FMN1: variants seen among roughly 807,000 people sequenced by gnomAD.
FMN1 encodes the protein formin-1.
A neutral mutation model predicts 132.4 loss-of-function variants in FMN1; 110 were observed. The observed-to-expected ratio is 0.83, with a 90% CI of 0.71 to 0.97. The LOEUF (loss-of-function observed/expected upper bound fraction) is 0.97. Among genes scored for constraint, FMN1 ranks in the 50% least tolerant of loss-of-function variants. FMN1 has a pLI of 0.00. For synonymous variants in FMN1, 722 were observed against 651.7 expected, an observed-to-expected ratio of 1.11 and a Z score of -1.64; for missense variants, 1,792 against 1,705.3, an observed-to-expected ratio of 1.05 and a Z score of -0.90.
Position 32,848,999 on chromosome 15 carries a change from T to TC in FMN1, c.3928+8015dup, listed in dbSNP as rs1555472129. 9.4e-3 allele frequency among the ~76,000 whole-genome samples: 1,361 copies of TC among 145,002 alleles called. 21 individuals carry two copies. The highest frequency in any genetic ancestry group is 0.034 in the African/African-American group (1,297 of 37,832). ...TTTGTTTTTTTTTTTTTTTTTTTTTTCAGAGACAGAGTCTCACTCTGTCAC... is the reference window on the plus strand; with the variant it reads ...TTTGTTTTTTTTTTTTTTTTTTTTTTCCAGAGACAGAGTCTCACTCTGTCAC... On this transcript the variant is annotated intron_variant, in intron 17 of 20. Coordinates refer to ENST00000616417, the MANE Select transcript of FMN1 (RefSeq NM_001277313.2).
At chr15:32,777,695 A>G (rs2056490236) in intron 19 of FMN1, among the ~76,000 whole-genome samples, 1 of 124,188 alleles carries the variant, frequency 8.1e-6, no homozygotes. Context: ...TACGTATAAC[A>G]TATAACACAT....
At chr15:33,045,029 G>A (rs2036613567) in intron 6 of FMN1, among the ~76,000 whole-genome samples, 1 of 152,212 alleles carries the variant, frequency 6.6e-6, no homozygotes, top group African/African-American at 2.4e-5. Context: ...CCACCCTTCA[G>A]GGAGCCCAGA....
intron 17 of FMN1, among the ~76,000 whole-genome samples, chr15:32,806,672 C>T (rs936856975): frequency 2.6e-5 from 4 of 152,192 alleles, no homozygotes; most frequent in South Asian, 2.1e-4. Context: ...TTTCCAGCTT[C>T]GCTGGCAGCT....
intron 9 of FMN1, among the ~76,000 whole-genome samples, chr15:32,949,107 T>C (rs2061569435): frequency 6.6e-6 from 1 of 152,162 alleles, no homozygotes; most frequent in Non-Finnish European, 1.5e-5. Flanking sequence ...GCTAAGTGTT[T>C]TTAAAATTCC....
intron 10 of FMN1, among the ~76,000 whole-genome samples, chr15:32,923,874 T>C (rs2060892079): frequency 6.6e-6 from 1 of 152,208 alleles, no homozygotes; most frequent in African/African-American, 2.4e-5. Context: ...ATGGACATTG[T>C]GAAAACTCAC....
chr15:33,121,236 AAG>A (rs1962525635), intron 4 of FMN1, among the ~76,000 whole-genome samples: 1 of 152,236 alleles, frequency 6.6e-6, no homozygotes, highest in South Asian at 2.1e-4. Context: ...TTGAAACAAA[AAG>A]TATTCTGCAA....
intron 17 of FMN1, among the ~76,000 whole-genome samples, chr15:32,835,935 G>A (rs950690983): frequency 2.6e-5 from 4 of 152,032 alleles, no homozygotes; most frequent in East Asian, 3.9e-4. Flanking sequence ...ATCATGGCTC[G>A]CTGCAGCCTC....
intron 4 of FMN1, among the ~76,000 whole-genome samples, chr15:33,151,965 A>T (rs572198523): frequency 2.4e-3 from 366 of 152,364 alleles, no homozygotes; most frequent in Non-Finnish European, 3.7e-3. Flanking sequence ...ATAAAATTTC[A>T]CAAGTTCAAA....
intron 5 of FMN1, among the ~76,000 whole-genome samples, chr15:33,069,991 CTCTT>C (rs2037924048): frequency 1.5e-4 from 9 of 59,554 alleles, no homozygotes; most frequent in South Asian, 7.8e-4. Flanking sequence ...ATCAGTCTTT[CTCTT>C]TTTTTTTTTT....
intron 6 of FMN1, among the ~76,000 whole-genome samples, chr15:33,050,393 ATTTT>A (rs57035093): frequency 5.3e-5 from 8 of 150,364 alleles, no homozygotes; most frequent in African/African-American, 1.7e-4. Flanking sequence ...TGATAAAAGG[ATTTT>A]TTTTTTAATA....
At chr15:32,798,760 C>T in intron 19 of FMN1, 44 bp downstream of exon 19, 1 of 1,545,928 alleles carries the variant, frequency 6.5e-7, no homozygotes, top group South Asian at 1.2e-5. Context: ...GTGCAGTTTC[C>T]TAGGCTCCTG....
chr15:32,945,833 C>A (rs368902407), intron 9 of FMN1, among the ~76,000 whole-genome samples: 1 of 152,152 alleles, frequency 6.6e-6, no homozygotes, highest in Non-Finnish European at 1.5e-5. Context: ...AAATCTGAGA[C>A]AGAACTCCAA....
chr15:32,878,455 G>A (rs922278786), intron 16 of FMN1, among the ~76,000 whole-genome samples: 8 of 152,148 alleles, frequency 5.3e-5, no homozygotes, highest in African/African-American at 1.9e-4. Context: ...TGAGAAGGTG[G>A]TAGCTTGGAT....
intron 12 of FMN1, among the ~76,000 whole-genome samples, chr15:32,902,274 C>T (rs2060316817): frequency 1.3e-5 from 2 of 152,194 alleles, no homozygotes; most frequent in South Asian, 4.2e-4. Flanking sequence ...ATAGAAATTC[C>T]TTCGGGAACA....
chr15:33,028,614 T>C (rs1483300193), intron 6 of FMN1, among the ~76,000 whole-genome samples: 1 of 152,170 alleles, frequency 6.6e-6, no homozygotes, highest in African/African-American at 2.4e-5. Flanking sequence ...CTCAAGATAA[T>C]CTGTGAGATC....
At chr15:33,015,718 C>T (rs201263711) in intron 6 of FMN1, among the ~76,000 whole-genome samples, 3 of 147,014 alleles carry the variant, frequency 2.0e-5, no homozygotes. Flanking sequence ...AAAAAAAAAT[C>T]ATTCCTCTGA....
At chr15:32,953,427 G>A (rs993954042) in intron 9 of FMN1, among the ~76,000 whole-genome samples, 5 of 152,150 alleles carry the variant, frequency 3.3e-5, no homozygotes, top group Non-Finnish European at 5.9e-5. Context: ...GCAGATTTTT[G>A]AATTTCCAAT....
chr15:33,154,214 T>C lies in FMN1; in HGVS notation c.701A>G (p.Glu234Gly), dbSNP rs1346155468. Residue 234 changes from glutamate (E) to glycine (G), a missense_variant, in exon 4 of 21, where the codon GAG becomes GGG. By Grantham distance (98) the Glu-to-Gly change is moderately conservative. Coordinates refer to ENST00000616417, the MANE Select transcript of FMN1 (RefSeq NM_001277313.2). ...GALACSLQRR[E>G]SCPPDIPKTP... ...CTTGGGAATATCTGGGGGGCAGCTC[T>C]CTCTCCTCTGCAGGGAGCAGGCAAG... is the stretch of plus-strand genomic sequence containing the variant. 4 of 1,536,162 alleles carry C rather than the reference T, an allele frequency of 2.6e-6. No individual in the cohort carries two copies. Among genetic ancestry groups the C allele is most frequent in the East Asian group, 2.4e-5 (1 of 40,918 alleles).
At chr15:33,062,963 A>T (rs988347010) in intron 6 of FMN1, 5 of 152,152 alleles carry the variant, frequency 3.3e-5, no homozygotes, top group Admixed American at 2.0e-4. Context: ...CTCCCACAGG[A>T]TGATAATAAC....
Sources: gnomAD v4.1 joint callset for allele counts (sites outside exome capture counted in the v4.1 genomes callset) on GRCh38, gnomAD v4.1.1 for gene constraint, MANE v1.5 for transcripts, NCBI Gene and HGNC (gene_info 2026-07-23, HGNC 2026-07-21) for gene names.